The following ARPC5 variants were observed in gnomAD, a reference collection of about 807,000 sequenced individuals.
ARPC5 encodes actin related protein 2/3 complex subunit 5.
A neutral mutation model predicts 15.4 loss-of-function variants in ARPC5; 5 were observed. The ratio of observed to expected loss-of-function variants is 0.32; its 90% confidence interval spans 0.17 to 0.68. ARPC5 has a LOEUF of 0.68. Among genes scored for constraint, ARPC5 ranks in the 30% least tolerant of loss-of-function variants. ARPC5 has a pLI of 0.71. For missense variants in ARPC5, 138 were observed against 192.8 expected, an observed-to-expected ratio of 0.72 and a Z score of 1.68; for synonymous variants, 85 against 72.2, an observed-to-expected ratio of 1.18 and a Z score of -0.90.
intron 1 of ARPC5, chr1:183,633,936 C>G (rs1649341001): frequency 6.6e-6 from 1 of 152,186 alleles, no homozygotes; most frequent in African/African-American, 2.4e-5. Flanking sequence ...AACTCTAGTA[C>G]CCCACCACTA....
intron 3 of ARPC5, among the ~76,000 whole-genome samples, chr1:183,628,871 T>A (rs1002847035): frequency 1.3e-5 from 2 of 152,196 alleles, no homozygotes; most frequent in African/African-American, 2.4e-5. Context: ...AACTTTGACT[T>A]TATCCTGCAG....
intron 2 of ARPC5, chr1:183,631,252 T>C (rs1033779872): frequency 6.6e-6 from 1 of 151,414 alleles, no homozygotes; most frequent in African/African-American, 2.4e-5. Context: ...TAAAACAACA[T>C]TTAAATTTAT....
rs1034272488 is a variant in ARPC5, at chr1:183,621,668, G to T, written c.*5864C>A. 3 of 152,100 alleles carry T rather than the reference G, an allele frequency of 2.0e-5. No homozygotes were observed. Among genetic ancestry groups the T allele is most frequent in the African/African-American group, 7.2e-5 (3 of 41,408 alleles). 9.4% of individuals were successfully genotyped at this position (152,100 alleles called of 1,614,324 possible). The stretch of plus-strand genomic sequence containing the variant: ...TTTCTTGATGATATGCTAAACAAGG[G>T]GTGTATTATTCATGCCTCCCCTTTT... On this transcript the variant is annotated 3_prime_UTR_variant, in exon 4 of 4. Coordinates refer to ENST00000359856, the MANE Select transcript of ARPC5 (RefSeq NM_005717.4).
At position 183,630,446 on chromosome 1, in the gene ARPC5, T is replaced by C. The variant is rs951562337; in HGVS notation, c.393+15A>G. 3.2e-6 allele frequency: 5 copies of C among 1,577,706 alleles called. No individual in the cohort carries two copies. Among genetic ancestry groups the C allele is most frequent in the Admixed American group, 1.8e-5 (1 of 55,772 alleles). ...TAAAAGAACCAGTCATATAGATTTA[T>C]AATTCATAACTTACCTTTTCATGCC... On this transcript the variant is annotated intron_variant, in intron 3 of 3. Transcript: ENST00000359856.
At chr1:183,632,528 T>C (rs1649297100) in intron 2 of ARPC5, 1 of 152,216 alleles carries the variant, frequency 6.6e-6, no homozygotes, top group African/African-American at 2.4e-5. Flanking sequence ...ATAAACTTAT[T>C]GCGAAGGAAA....
chr1:183,635,725 G>T lies in ARPC5; in HGVS notation c.-66C>A. ...CCTCTACCTCAGCAAGCCCAGCCCA[G>T]CAACCCACTACCCGGCGCCTGATTC... On this transcript the variant is annotated 5_prime_UTR_variant, in exon 1 of 4. It adds an upstream start codon to the 5' untranslated region. Coordinates refer to ENST00000359856, the MANE Select transcript of ARPC5 (RefSeq NM_005717.4). 6.4e-7 allele frequency: 1 copy of T among 1,562,204 alleles called. No individual in the cohort carries two copies. The highest frequency in any genetic ancestry group is 8.7e-7 in the Non-Finnish European group (1 of 1,152,374).
At position 183,623,204 on chromosome 1, in the gene ARPC5, TTG is replaced by T; in HGVS notation, c.*4326_*4327del. ...TCAGGTGGGTCATACACTACTCAATTTGTGTTTCATGTGGTGTGGATTCTAGG... is the reference window on the plus strand; with the variant it reads ...TCAGGTGGGTCATACACTACTCAATTTGTTTCATGTGGTGTGGATTCTAGG... On this transcript the variant is annotated 3_prime_UTR_variant, in exon 4 of 4. Transcript: ENST00000359856. 1.8e-6 allele frequency: 1 copy of T among 563,070 alleles called. No homozygotes were observed. The highest frequency in any genetic ancestry group is 3.2e-6 in the Non-Finnish European group (1 of 315,050). The allele number at this position is 563,070 out of a possible 1,614,324, so 34.9% of individuals were successfully genotyped here. A position where few individuals can be genotyped will look rare whatever the true frequency, so the allele number is the denominator to read the frequency against.
rs767299160 is a variant in ARPC5 at position 183,633,074 on chromosome 1, C to T, written c.216+8G>A. On this transcript the variant is annotated splice_region_variant and intron_variant, in intron 2 of 3. Coordinates refer to ENST00000359856, the MANE Select transcript of ARPC5 (RefSeq NM_005717.4). ...GCAGAGATCACTGTGTTGTAGTCTG[C>T]GACTCACCTTCACTGCCTGACTCTT... 6.8e-5 allele frequency: 109 copies of T among 1,594,476 alleles called. No individual in the cohort carries two copies. Among genetic ancestry groups the T allele is most frequent in the South Asian group, 6.4e-4 (57 of 88,726 alleles).
In ARPC5 at chr1:183,630,566, T is replaced by C. The variant is rs1280967690; in HGVS notation, c.288A>G (p.Gln96=). ...FKANDIEKAV[Q]SLDKNGVDLL... is the part of the protein sequence containing the mutation. ...GATCCACACCATTCTTGTCCAGAGA[T>C]TGAACTGCCTTTTCTATATCATTAG... The change falls in exon 3 of 4, where the codon CAA becomes CAG. Residue 96 remains glutamine, a synonymous_variant. Transcript: ENST00000359856. 1.9e-6 allele frequency: 3 copies of C among 1,614,148 alleles called. No homozygotes were observed. The highest frequency in any genetic ancestry group is 2.5e-6 in the Non-Finnish European group (3 of 1,180,008).
At chr1:183,632,315 T>C (rs1273127838) in intron 2 of ARPC5, 1 of 152,072 alleles carries the variant, frequency 6.6e-6, no homozygotes, top group Non-Finnish European at 1.5e-5. Context: ...CAATACTGCA[T>C]ACCAAAAGCC....
rs1558124430 is a variant in ARPC5, at chr1:183,635,560, G to T, written c.100C>A (p.Gln34Lys). The change falls in exon 1 of 4, where the codon CAG (glutamine) becomes AAG (lysine). Residue 34 changes from glutamine to lysine, a missense_variant. This residue lies in a region of ARPC5 where 121 missense variants were observed against 153.7 expected (regional missense o/e 0.79). Transcript: ENST00000359856. ...FVDEEDGGDG[Q>K]AGPDEGEVDS... ...ACCTCGCCCTCGTCGGGCCCGGCCT[G>T]GCCGTCGCCCCCATCTTCTTCGTCC... 6.2e-7 allele frequency: 1 copy of T among 1,613,252 alleles called. No homozygotes were observed. The highest frequency in any genetic ancestry group is 8.5e-7 in the Non-Finnish European group (1 of 1,179,836).
At position 183,630,649 on chromosome 1, in the gene ARPC5, A is replaced by G; in HGVS notation, c.217-12T>C. On this transcript the variant is annotated splice_polypyrimidine_tract_variant and intron_variant, in intron 2 of 3. Transcript: ENST00000359856. Reference sequence around the variant, plus strand: ...CTGCCTGCCCGGTCCTGGTGGGTCAATAAATAACAGAACATTTAGACATAT... The same window carrying G: ...CTGCCTGCCCGGTCCTGGTGGGTCAGTAAATAACAGAACATTTAGACATAT... 1 of 1,607,812 alleles carries G rather than the reference A, an allele frequency of 6.2e-7. No individual in the cohort carries two copies. Among genetic ancestry groups the G allele is most frequent in the African/African-American group, 1.3e-5 (1 of 74,696 alleles).
rs1648973622 is a variant in ARPC5, at chr1:183,622,713, G to A, written c.*4819C>T. On this transcript the variant is annotated 3_prime_UTR_variant, in exon 4 of 4. Transcript: ENST00000359856. ...CTGTTCCTCAGCCACTTTCTCTGGT[G>A]ACTTCTGGCAAAGCTAAACACTATA... 1 of 152,222 alleles carries A rather than the reference G, an allele frequency of 6.6e-6. No individual in the cohort carries two copies. The highest frequency in any genetic ancestry group is 1.5e-5 in the Non-Finnish European group (1 of 68,066). 9.4% of individuals were successfully genotyped at this position (152,222 alleles called of 1,614,324 possible).
At chr1:183,635,429 G>GCCCCGCGGATCCTGCAGGCT (rs1649450148) in intron 1 of ARPC5, 88 bp downstream of exon 1, 2 of 1,414,110 alleles carry the variant, frequency 1.4e-6, no homozygotes, top group African/African-American at 3.0e-5. Flanking sequence ...CCGCGCCGGT[G>GCCCCGCGGATCCTGCAGGCT]CCCCGCGGAT....
Position 183,624,510 on chromosome 1 carries a change from CAAAA to C in ARPC5, c.*3018_*3021del, listed in dbSNP as rs577819120. The C allele has an allele frequency of 8.9e-6, 1 of 112,186 alleles. No individual in the cohort carries two copies. The highest frequency in any genetic ancestry group is 5.0e-5 in the African/African-American group (1 of 20,094). The allele number at this position is 112,186 out of a possible 1,614,324, so 6.9% of individuals were successfully genotyped here. On this transcript the variant is annotated 3_prime_UTR_variant, in exon 4 of 4. Coordinates refer to ENST00000359856, the MANE Select transcript of ARPC5 (RefSeq NM_005717.4). Reference sequence around the variant, plus strand: ...TGGGCCACAGAGCGAGACTCTGTCTCAAAAAAAACAAAACAAAACAAAACAAAAC... The same window carrying C: ...TGGGCCACAGAGCGAGACTCTGTCTCAAAACAAAACAAAACAAAACAAAAC...
rs1649315960 is a variant in ARPC5, at chr1:183,633,134, A to G, written c.164T>C (p.Leu55Pro). ...AGGGGGGTTCTTCAGAGCTGCCTGT[A>G]GGGCAGCTGTCATGTTTCCTGTGAT... ...CLRQGNMTAA[L>P]QAALKNPPIN... The change falls in exon 2 of 4, where the codon CTA (leucine) becomes CCA (proline). Residue 55 changes from leucine to proline, a missense_variant. Around this residue, in one of 3 missense-constraint regions of ARPC5, gnomAD observed 121 missense variants for 153.7 expected, o/e 0.79. Coordinates refer to ENST00000359856, the MANE Select transcript of ARPC5 (RefSeq NM_005717.4). The G allele has an allele frequency of 6.2e-7, 1 of 1,602,524 alleles. No individual in the cohort carries two copies. Among genetic ancestry groups the G allele is most frequent in the Admixed American group, 1.7e-5 (1 of 57,200 alleles).
At chr1:183,629,528 TCAAA>T (rs1649205425) in intron 3 of ARPC5, among the ~76,000 whole-genome samples, 1 of 152,202 alleles carries the variant, frequency 6.6e-6, no homozygotes, top group Non-Finnish European at 1.5e-5. Context: ...CAGATACACT[TCAAA>T]CACTCAATAT....
intron 2 of ARPC5, chr1:183,630,863 G>A: frequency 2.3e-6 from 1 of 429,560 alleles, no homozygotes; most frequent in Non-Finnish European, 4.1e-6. Context: ...TGGTTGGAGT[G>A]GATTGGTGGG....
At position 183,626,596 on chromosome 1, in the gene ARPC5, A is replaced by T. The variant is rs1649104232; in HGVS notation, c.*936T>A. On this transcript the variant is annotated 3_prime_UTR_variant, in exon 4 of 4. Transcript: ENST00000359856. ...TGAGATCCCAACTACCCTGAAGAAC[A>T]CTGAAGACATTTACGGGGCATATTA... is the stretch of plus-strand genomic sequence containing the variant. 6.6e-6 allele frequency: 1 copy of T among 152,664 alleles called. No individual in the cohort carries two copies. The allele number at this position is 152,664 out of a possible 1,614,324, so 9.5% of individuals were successfully genotyped here.
Sources: allele counts gnomAD v4.1 joint callset (sites outside exome capture counted in the v4.1 genomes callset), GRCh38; gene constraint gnomAD v4.1.1; regional missense constraint gnomAD v4.1.1; transcripts MANE v1.5; gene names NCBI Gene and HGNC (gene_info 2026-07-23, HGNC 2026-07-21).